CCT5: variants seen among roughly 807,000 people sequenced by gnomAD.
The protein encoded by CCT5 is chaperonin containing TCP1 subunit 5, also known as T-complex protein 1 subunit epsilon.
Under a neutral mutation model 55.0 loss-of-function variants are expected in CCT5, and 6 were observed. That is an observed-to-expected ratio of 0.11 (90% CI 0.06 to 0.22). The LOEUF is 0.22. Ranked by LOEUF, CCT5 falls within the 10% of genes least tolerant of loss-of-function variation. The pLI is 1.00. For missense variants in CCT5, 560 were observed against 694.6 expected (o/e 0.81, Z 2.18); for synonymous variants, 231 against 243.7 (o/e 0.95, Z 0.49).
chr5:10,252,867 C>T (rs1745497310), intron 1 of CCT5, among the ~76,000 whole-genome samples: 1 of 152,004 alleles, frequency 6.6e-6, no homozygotes, highest in African/African-American at 2.4e-5. Context: ...ATTTCGGGAT[C>T]TCTCCTATTT....
In CCT5 at chr5:10,262,253, A is replaced by T. The variant is rs957898757; in HGVS notation, c.1180-228A>T. Reference sequence around the variant, plus strand: ...TCTTTGCGAGTTTTGTCAGTTTTTGACTCTTGCTTGACCGTGTATCCTAGA... The same window carrying T: ...TCTTTGCGAGTTTTGTCAGTTTTTGTCTCTTGCTTGACCGTGTATCCTAGA... On this transcript the variant is annotated intron_variant, in intron 8 of 10. Transcript: ENST00000280326. 7.4e-6 allele frequency: 4 copies of T among 542,058 alleles called. No individual in the cohort carries two copies. In the East Asian group the frequency reaches 1.0e-4, roughly 14 times the overall value. 33.6% of individuals were successfully genotyped at this position (542,058 alleles called of 1,614,324 possible). A position where few individuals can be genotyped will look rare whatever the true frequency, so the allele number is the denominator to read the frequency against.
At chr5:10,252,396 T>C (rs568727539) in intron 1 of CCT5, among the ~76,000 whole-genome samples, 5 of 152,342 alleles carry the variant, frequency 3.3e-5, no homozygotes, top group South Asian at 2.1e-4. Flanking sequence ...AAAGGTAATA[T>C]GTATTTTGTT....
rs535459086 is a variant in CCT5, at chr5:10,258,261, C to T, written c.681C>T (p.Gly227=). 9.9e-6 allele frequency: 16 copies of T among 1,614,166 alleles called. No homozygotes were observed. Among genetic ancestry groups the T allele is most frequent in the African/African-American group, 5.3e-5 (4 of 75,020 alleles). Reference sequence around the variant, plus strand: ...TGGAGGACACTAAACTGATTAAGGGCGTGATTGTGGACAAGGATTTCAGTC... The same window carrying T: ...TGGAGGACACTAAACTGATTAAGGGTGTGATTGTGGACAAGGATTTCAGTC... The part of the protein sequence containing the change: ...GRLEDTKLIK[G]VIVDKDFSHP... The change falls in exon 5 of 11, where the codon GGC becomes GGT. Residue 227 remains glycine (G), a synonymous_variant. Transcript: ENST00000280326.
Position 10,255,957 on chromosome 5 carries a change from C to T in CCT5, c.334C>T (p.Leu112=). 2 of 1,614,060 alleles carry T rather than the reference C, an allele frequency of 1.2e-6. No homozygotes were observed. Among genetic ancestry groups the T allele is most frequent in the Non-Finnish European group, 1.7e-6 (2 of 1,179,944 alleles). Residue 112 remains leucine (L), a splice_region_variant and synonymous_variant, in exon 4 of 11, where the codon CTG becomes TTG. Coordinates refer to ENST00000280326, the MANE Select transcript of CCT5 (RefSeq NM_012073.5). ...IGDGTTGVVV[L]AGALLEEAEQ... The stretch of plus-strand genomic sequence containing the variant: ...ATTGTCTGCTGGCTTATTTGCAGTC[C>T]TGGCTGGTGCCTTGTTAGAAGAAGC...
At position 10,261,616 on chromosome 5, in the gene CCT5, C is replaced by G. The variant is rs751586130; in HGVS notation, c.1050C>G (p.Ala350=). 2 of 1,614,062 alleles carry G rather than the reference C, an allele frequency of 1.2e-6. No homozygotes were observed. The highest frequency in any genetic ancestry group is 1.7e-6 in the Non-Finnish European group (2 of 1,180,004). ...RIVPRFSELT[A]EKLGFAGLVQ... ...TCCCCAGGTTCTCAGAGCTCACAGCCGAGAAGCTGGGCTTTGCTGGTCTTG... is the reference window on the plus strand; with the variant it reads ...TCCCCAGGTTCTCAGAGCTCACAGCGGAGAAGCTGGGCTTTGCTGGTCTTG... The change falls in exon 8 of 11, where the codon GCC becomes GCG. Residue 350 remains alanine (A), a synonymous_variant. Transcript: ENST00000280326.
In CCT5 at chr5:10,261,691, G is replaced by T; in HGVS notation, c.1125G>T (p.Glu375Asp). 6.2e-7 allele frequency: 1 copy of T among 1,614,106 alleles called. No individual in the cohort carries two copies. The highest frequency in any genetic ancestry group is 8.5e-7 in the Non-Finnish European group (1 of 1,180,000). Residue 375 changes from glutamate to aspartate, a missense_variant, in exon 8 of 11, where the codon GAG becomes GAT. This residue lies in a region of CCT5 where 256 missense variants were observed against 372.4 expected (regional missense o/e 0.69). Coordinates refer to ENST00000280326, the MANE Select transcript of CCT5 (RefSeq NM_012073.5). Reference sequence around the variant, plus strand: ...CTAAGGATAAAATGCTGGTCATCGAGCAGTGTAAGAACTCCAGAGCTGTAA... The same window carrying T: ...CTAAGGATAAAATGCTGGTCATCGATCAGTGTAAGAACTCCAGAGCTGTAA... ...GTTKDKMLVIEQCKNSRAVTI... is the reference protein window; with the variant it reads ...GTTKDKMLVIDQCKNSRAVTI...
intron 1 of CCT5, among the ~76,000 whole-genome samples, chr5:10,251,333 A>G (rs1002804109): frequency 6.6e-6 from 1 of 152,212 alleles, no homozygotes; most frequent in Non-Finnish European, 1.5e-5. Flanking sequence ...AAAGCTTGAG[A>G]TAGACCGAAG....
chr5:10,261,873 G>A lies in CCT5; in HGVS notation c.1179+128G>A, dbSNP rs182779563. 4.0e-5 allele frequency: 32 copies of A among 793,586 alleles called. No homozygotes were observed. The East Asian group carries it at 7.6e-4, about 19-fold the overall frequency. The allele number at this position is 793,586 out of a possible 1,614,324, so 49.2% of individuals were successfully genotyped here. A position where few individuals can be genotyped will look rare whatever the true frequency, so the allele number is the denominator to read the frequency against. On this transcript the variant is annotated intron_variant, in intron 8 of 10. Coordinates refer to ENST00000280326, the MANE Select transcript of CCT5 (RefSeq NM_012073.5). The stretch of plus-strand genomic sequence containing the variant: ...ATAATCGTGGTTCTCAAACAATGAC[G>A]TATCATGGTGTAAAATTACTGAAGA...
chr5:10,261,339 A>C (rs1481782068), intron 7 of CCT5, among the ~76,000 whole-genome samples: 1 of 152,150 alleles, frequency 6.6e-6, no homozygotes, highest in African/African-American at 2.4e-5. Context: ...GCCGGGTGAT[A>C]GATCTGGGCA....
rs1411993199 is a variant in CCT5 at position 10,261,738 on chromosome 5, A to G, written c.1172A>G (p.Asn391Ser). 1 of 1,613,316 alleles carries G rather than the reference A, an allele frequency of 6.2e-7. No homozygotes were observed. The highest frequency in any genetic ancestry group is 1.7e-5 in the Admixed American group (1 of 60,014). ...GTAACCATTTTTATTAGAGGAGGAAATAAGATGGTGAGAATTCAACTATTT... is the reference window on the plus strand; with the variant it reads ...GTAACCATTTTTATTAGAGGAGGAAGTAAGATGGTGAGAATTCAACTATTT... ...RAVTIFIRGG[N>S]KMIIEEAKRS... The change falls in exon 8 of 11, where the codon AAT (asparagine) becomes AGT (serine). Residue 391 changes from asparagine (N) to serine (S), a missense_variant. Around this residue, in one of 4 missense-constraint regions of CCT5, gnomAD observed 256 missense variants for 372.4 expected, o/e 0.69. Coordinates refer to ENST00000280326, the MANE Select transcript of CCT5 (RefSeq NM_012073.5).
intron 1 of CCT5, among the ~76,000 whole-genome samples, chr5:10,253,244 G>A (rs1214407462): frequency 6.6e-6 from 1 of 151,728 alleles, no homozygotes; most frequent in African/African-American, 2.4e-5. Flanking sequence ...CAGGAGGATC[G>A]CTTAAACCCG....
chr5:10,265,611 C>G lies in CCT5; in HGVS notation c.*828C>G, dbSNP rs948933654. Reference sequence around the variant, plus strand: ...GGCCAAGACGCTCCGAGAACTCTACCGGGATTGTCTGTTCTGACAACCCAG... The same window carrying G: ...GGCCAAGACGCTCCGAGAACTCTACGGGGATTGTCTGTTCTGACAACCCAG... On this transcript the variant is annotated 3_prime_UTR_variant, in exon 11 of 11. Coordinates refer to ENST00000280326, the MANE Select transcript of CCT5 (RefSeq NM_012073.5). 1 of 152,064 alleles carries G rather than the reference C, an allele frequency of 6.6e-6. No homozygotes were observed. The highest frequency in any genetic ancestry group is 2.4e-5 in the African/African-American group (1 of 41,398). The allele number at this position is 152,064 out of a possible 1,614,324, so 9.4% of individuals were successfully genotyped here.
At chr5:10,254,118 G>A in intron 1 of CCT5, 27 bp from the exon 2 acceptor site, 1 of 1,518,656 alleles carries the variant, frequency 6.6e-7, no homozygotes, top group Non-Finnish European at 9.1e-7. Context: ...ATGTAACAGT[G>A]TTTGCTTTTT....
chr5:10,254,709 G>A lies in CCT5; in HGVS notation c.202G>A (p.Val68Met), dbSNP rs1224885104. The change falls in exon 3 of 11, where the codon GTG becomes ATG. Residue 68 changes from valine (V) to methionine (M), a missense_variant. This residue lies in a region of CCT5 where 137 missense variants were observed against 181.9 expected (regional missense o/e 0.75). Transcript: ENST00000280326. ...GATGATGGTGGATAAGGATGGAGAT[G>A]TGACTGTAACTAATGATGGGGCCAC... ...DKMMVDKDGDVTVTNDGATIL... is the reference protein window; with the variant it reads ...DKMMVDKDGDMTVTNDGATIL... The A allele has an allele frequency of 1.9e-6, 3 of 1,613,808 alleles. No individual in the cohort carries two copies. The South Asian group carries it at 3.3e-5, about 18-fold the overall frequency.
At position 10,255,186 on chromosome 5, in the gene CCT5, T is replaced by G. The variant is rs78921236; in HGVS notation, c.331+348T>G. Among the ~76,000 whole-genome samples, 828 of 152,318 alleles carry G rather than the reference T, an allele frequency of 5.4e-3. 6 individuals are homozygous for G. Among genetic ancestry groups the G allele is most frequent in the African/African-American group, 0.019 (774 of 41,570 alleles). ...TCCTGAGTGATCTGTGACCATTATA[T>G]TGCAGATGTGTAGGAGAATGCCCTT... On this transcript the variant is annotated intron_variant, in intron 3 of 10. Transcript: ENST00000280326.
Position 10,250,384 on chromosome 5 carries a change from C to T in CCT5, c.44C>T (p.Pro15Leu). The stretch of plus-strand genomic sequence containing the variant: ...CTCGCCTTCGATGAATATGGGCGCC[C>T]TTTCCTCATCATCAAGGATCAGGAC... The part of the protein sequence containing the change: ...GTLAFDEYGR[P>L]FLIIKDQDRK... The change falls in exon 1 of 11, where the codon CCT becomes CTT. Residue 15 changes from proline (P) to leucine (L), a missense_variant. By Grantham distance (98) the Pro-to-Leu change is moderately conservative. This residue lies in a region of CCT5 where 137 missense variants were observed against 181.9 expected (regional missense o/e 0.75). Transcript: ENST00000280326. 6.2e-7 allele frequency: 1 copy of T among 1,614,168 alleles called. No homozygotes were observed. Among genetic ancestry groups the T allele is most frequent in the South Asian group, 1.1e-5 (1 of 91,088 alleles).
intron 1 of CCT5, among the ~76,000 whole-genome samples, chr5:10,253,753 T>C (rs1263724189): frequency 6.6e-6 from 1 of 152,150 alleles, no homozygotes; most frequent in Non-Finnish European, 1.5e-5. Context: ...CCATGGATGC[T>C]CAGGGAGAAC....
rs1745337962 is a variant in CCT5, at chr5:10,250,614, G to A, written c.105+169G>A. ...CTCAGCCCGCTTACTGAGCTCGGGA[G>A]ACGCCGGCGCCTAATCCTGGGCTCG... On this transcript the variant is annotated intron_variant, in intron 1 of 10. Coordinates refer to ENST00000280326, the MANE Select transcript of CCT5 (RefSeq NM_012073.5). 3.5e-6 allele frequency: 5 copies of A among 1,447,682 alleles called. No individual in the cohort carries two copies. The African/African-American group carries it at 5.7e-5, about 17-fold the overall frequency. 89.7% of individuals were successfully genotyped at this position (1,447,682 alleles called of 1,614,324 possible).
intron 8 of CCT5, 94 bp from the exon 9 acceptor site, chr5:10,262,384 GAGC>G (rs1746009043): frequency 7.6e-7 from 1 of 1,315,322 alleles, no homozygotes; most frequent in African/African-American, 1.5e-5. Flanking sequence ...CTAAATATTA[GAGC>G]ACAGCCTCTC....
Sources: allele counts gnomAD v4.1 joint callset (sites outside exome capture counted in the v4.1 genomes callset), GRCh38; gene constraint gnomAD v4.1.1; regional missense constraint gnomAD v4.1.1; transcripts MANE v1.5; gene names NCBI Gene and HGNC (gene_info 2026-07-23, HGNC 2026-07-21).